AQP4: variants seen among roughly 807,000 people sequenced by gnomAD.
AQP4 encodes the protein aquaporin-4.
In AQP4, 18 loss-of-function variants were observed where a neutral mutation model predicts 27.8. The observed-to-expected ratio is 0.65, with a 90% CI of 0.45 to 0.96. AQP4 has a LOEUF of 0.96. AQP4 is among the 40% of genes least tolerant of loss of function. The pLI, the probability that AQP4 is intolerant of heterozygous loss-of-function variation, is 0.00. For missense variants in AQP4, 412 were observed against 408.2 expected (o/e 1.01, Z -0.08); for synonymous variants, 141 against 142.9 (o/e 0.99, Z 0.10).
intron 4 of AQP4, 79 bp from the exon 5 acceptor site, chr18:26,856,568 G>T: frequency 6.6e-7 from 1 of 1,521,890 alleles, no homozygotes. Context: ...GTAGAATCTA[G>T]CTGGGTTAAA....
At position 26,862,306 on chromosome 18, in the gene AQP4, C is replaced by T; in HGVS notation, c.323G>A (p.Arg108Lys). The T allele has an allele frequency of 6.2e-7, 1 of 1,614,220 alleles. No individual in the cohort carries two copies. The highest frequency in any genetic ancestry group is 8.5e-7 in the Non-Finnish European group (1 of 1,180,044). ...GACAGACTTGGCGATGCTGATCTTC[C>T]TGGTGCACACCATGGCCACAGTCAC... Reference protein sequence around the residue: ...PAVTVAMVCTRKISIAKSVFY... With the variant: ...PAVTVAMVCTKKISIAKSVFY... Residue 108 changes from arginine to lysine, a missense_variant, in exon 2 of 5, where the codon AGG becomes AAG. Arg to Lys is a conservative substitution (Grantham distance 26). Coordinates refer to ENST00000383168, the MANE Select transcript of AQP4 (RefSeq NM_001650.7).
rs141721622 is a variant in AQP4 at position 26,856,283 on chromosome 18, A to G, written c.900T>C (p.His300=). ...CCTCTCCCCGGTCAACGTCAATCAC[A>G]TGCACCACTCCAGGTTTTAGAATCA... ...DDLILKPGVV[H]VIDVDRGEEK... The change falls in exon 5 of 5, where the codon CAT becomes CAC. Residue 300 remains histidine, a synonymous_variant. Coordinates refer to ENST00000383168, the MANE Select transcript of AQP4 (RefSeq NM_001650.7). 6.2e-7 allele frequency: 1 copy of G among 1,614,142 alleles called. No individual in the cohort carries two copies. The highest frequency in any genetic ancestry group is 8.5e-7 in the Non-Finnish European group (1 of 1,180,016).
In AQP4 at chr18:26,856,438, C is replaced by T. The variant is rs1568065258; in HGVS notation, c.745G>A (p.Glu249Lys). The T allele has an allele frequency of 6.2e-7, 1 of 1,614,198 alleles. No homozygotes were observed. Among genetic ancestry groups the T allele is most frequent in the Admixed American group, 1.7e-5 (1 of 60,022 alleles). ...TCAACATCTGGACAGAAGACATACT[C>T]ATAAAGGCCACCAGCGAGGACAGCT... ...IGAVLAGGLY[E>K]YVFCPDVEFK... The change falls in exon 5 of 5, where the codon GAG (glutamate) becomes AAG (lysine). Residue 249 changes from glutamate to lysine, a missense_variant. By Grantham distance (56) the Glu-to-Lys change is moderately conservative. Coordinates refer to ENST00000383168, the MANE Select transcript of AQP4 (RefSeq NM_001650.7).
At position 26,858,561 on chromosome 18, in the gene AQP4, C is replaced by T. The variant is rs140149086; in HGVS notation, c.694-2072G>A. ...GTTCCTCTCTTGAACATGAAAAAAC[C>T]CATATGAGCCTTTATCTTCTCTATG... On this transcript the variant is annotated intron_variant, in intron 4 of 4. Coordinates refer to ENST00000383168, the MANE Select transcript of AQP4 (RefSeq NM_001650.7). Among the ~76,000 whole-genome samples the T allele has an allele frequency of 2.9e-3, 435 of 152,238 alleles. 1 individual carries two copies. The highest frequency in any genetic ancestry group is 1.0e-2 in the African/African-American group (414 of 41,542).
At chr18:26,863,070 CCCCA>C (rs1329520818) in intron 1 of AQP4, 1 of 194,716 alleles carries the variant, frequency 5.1e-6, no homozygotes, top group Non-Finnish European at 1.1e-5. Context: ...CTCCCCCTCC[CCCCA>C]GACTCTGGAT....
At position 26,860,931 on chromosome 18, in the gene AQP4, C is replaced by T. The variant is rs1471392252; in HGVS notation, c.613-79G>A. On this transcript the variant is annotated intron_variant, in intron 3 of 4. Transcript: ENST00000383168. ...AGTATCATTCATTGCAATTTGCTGT[C>T]ATTTGTCACTTAGAGGAACCTCAAG... 3 of 1,474,064 alleles carry T rather than the reference C, an allele frequency of 2.0e-6. No homozygotes were observed. The East Asian group carries it at 6.8e-5, about 33-fold the overall frequency. The allele number at this position is 1,474,064 out of a possible 1,614,324, so 91.3% of individuals were successfully genotyped here. A position where few individuals can be genotyped will look rare whatever the true frequency, so the allele number is the denominator to read the frequency against.
rs200473850 is a variant in AQP4, at chr18:26,863,000, G to GA, written c.33-405_33-404insT. 38 of 179,764 alleles carry GA rather than the reference G, an allele frequency of 2.1e-4. 2 individuals are homozygous for GA. In the East Asian group the frequency reaches 3.5e-3, roughly 17 times the overall value. The allele number at this position is 179,764 out of a possible 1,614,324, so 11.1% of individuals were successfully genotyped here. ...AGCATTAAAACAAGGTGTGCGTGGG[G>GA]GGGGGGGGTCGTCTTTTCTAGCTTT... On this transcript the variant is annotated intron_variant, in intron 1 of 4. Transcript: ENST00000383168.
chr18:26,865,691 C>T lies in AQP4; in HGVS notation c.-2G>A. 1.2e-6 allele frequency: 2 copies of T among 1,614,218 alleles called. No individual in the cohort carries two copies. The highest frequency in any genetic ancestry group is 1.7e-6 in the Non-Finnish European group (2 of 1,180,036). ...CCTTGCTGTGGGTCTGTCACTCATG[C>T]CTTCCCCAGCCAGAGTGCAGCTCTC... On this transcript the variant is annotated 5_prime_UTR_variant, in exon 1 of 5. Transcript: ENST00000383168.
At position 26,853,448 on chromosome 18, in the gene AQP4, A is replaced by T. The variant is rs2054786794; in HGVS notation, c.*2763T>A. ...ACTCTTTCCCTTTTGTACACTTTTGACAAACTATGTGCGTTTTCAGTGTAG... is the reference window on the plus strand; with the variant it reads ...ACTCTTTCCCTTTTGTACACTTTTGTCAAACTATGTGCGTTTTCAGTGTAG... On this transcript the variant is annotated 3_prime_UTR_variant, in exon 5 of 5. Transcript: ENST00000383168. The T allele has an allele frequency of 6.6e-6, 1 of 152,246 alleles. No individual in the cohort carries two copies. The highest frequency in any genetic ancestry group is 1.5e-5 in the Non-Finnish European group (1 of 68,048). 9.4% of individuals were successfully genotyped at this position (152,246 alleles called of 1,614,324 possible).
chr18:26,860,607 T>C, intron 4 of AQP4, 165 bp downstream of exon 4: 1 of 685,546 alleles, frequency 1.5e-6, no homozygotes, highest in Non-Finnish European at 2.6e-6. Context: ...TTACAGCAGA[T>C]CTGTGCTATT....
At chr18:26,861,365 T>C in intron 2 of AQP4, 70 bp from the exon 3 acceptor site, 1 of 1,450,392 alleles carries the variant, frequency 6.9e-7, no homozygotes, top group Non-Finnish European at 9.6e-7. Flanking sequence ...TTAATATCAT[T>C]GTGAAAGGCA....
At position 26,855,313 on chromosome 18, in the gene AQP4, T is replaced by A. The variant is rs1426252088; in HGVS notation, c.*898A>T. 3.9e-5 allele frequency: 6 copies of A among 152,216 alleles called. No individual in the cohort carries two copies. The East Asian group carries it at 5.8e-4, about 15-fold the overall frequency. The allele number at this position is 152,216 out of a possible 1,614,324, so 9.4% of individuals were successfully genotyped here. On this transcript the variant is annotated 3_prime_UTR_variant, in exon 5 of 5. Coordinates refer to ENST00000383168, the MANE Select transcript of AQP4 (RefSeq NM_001650.7). Reference sequence around the variant, plus strand: ...TCCCCAGTTTTGCCAATAAATTTTTTAAAAATAAGCAAAGTGGTAAAGGGG... The same window carrying A: ...TCCCCAGTTTTGCCAATAAATTTTTAAAAAATAAGCAAAGTGGTAAAGGGG...
chr18:26,856,073 T>C lies in AQP4; in HGVS notation c.*138A>G. ...CCTTTGTAAATTATGAAATATTTAT[T>C]GTTTAGACTGAGTAATATGACATGA... is the stretch of plus-strand genomic sequence containing the variant. On this transcript the variant is annotated 3_prime_UTR_variant, in exon 5 of 5. Coordinates refer to ENST00000383168, the MANE Select transcript of AQP4 (RefSeq NM_001650.7). The C allele has an allele frequency of 9.7e-7, 1 of 1,027,436 alleles. No individual in the cohort carries two copies. Among genetic ancestry groups the C allele is most frequent in the Non-Finnish European group, 1.5e-6 (1 of 678,532 alleles). 63.6% of individuals were successfully genotyped at this position (1,027,436 alleles called of 1,614,324 possible).
intron 4 of AQP4, among the ~76,000 whole-genome samples, chr18:26,857,390 G>A (rs1471729272): frequency 2.0e-5 from 3 of 151,828 alleles, no homozygotes; most frequent in Non-Finnish European, 2.9e-5. Flanking sequence ...TGCAGTGGGC[G>A]ATCGCCACTC....
rs1473335693 is a variant in AQP4 at position 26,854,835 on chromosome 18, AC to A, written c.*1375del. On this transcript the variant is annotated 3_prime_UTR_variant, in exon 5 of 5. Coordinates refer to ENST00000383168, the MANE Select transcript of AQP4 (RefSeq NM_001650.7). ...ACGGCTAGACTAGACAGTTAAGATG[AC>A]AGAAACTGGGGTTTCTGGAGAACAT... The A allele has an allele frequency of 6.6e-6, 1 of 152,030 alleles. No individual in the cohort carries two copies. The highest frequency in any genetic ancestry group is 1.5e-5 in the Non-Finnish European group (1 of 68,042). The allele number at this position is 152,030 out of a possible 1,614,324, so 9.4% of individuals were successfully genotyped here.
intron 2 of AQP4, 25 bp downstream of exon 2, chr18:26,862,157 G>C (rs1299692271): frequency 6.2e-7 from 1 of 1,613,212 alleles, no homozygotes; most frequent in Non-Finnish European, 8.5e-7. Context: ...TGGAGTCCTA[G>C]TTTGAAAATA....
At chr18:26,862,727 A>C (rs916718258) in intron 1 of AQP4, 131 bp from the exon 2 acceptor site, 10 of 1,183,868 alleles carry the variant, frequency 8.4e-6, no homozygotes, top group Non-Finnish European at 1.2e-5. Flanking sequence ...ACACCAAGAA[A>C]GAATGCTTCT....
At chr18:26,864,531 C>G (rs1438490852) in intron 1 of AQP4, among the ~76,000 whole-genome samples, 1 of 152,114 alleles carries the variant, frequency 6.6e-6, no homozygotes, top group African/African-American at 2.4e-5. Flanking sequence ...TGTAAAGAGA[C>G]AAAAACGATG....
chr18:26,861,850 T>A lies in AQP4; in HGVS notation c.447+332A>T, dbSNP rs1267116794. The stretch of plus-strand genomic sequence containing the variant: ...ACATGACAAGAAAATAGTTTTTTTC[T>A]GCTAGTGAACAAATAACTGTAAGGA... On this transcript the variant is annotated intron_variant, in intron 2 of 4. Coordinates refer to ENST00000383168, the MANE Select transcript of AQP4 (RefSeq NM_001650.7). 2.0e-5 allele frequency among the ~76,000 whole-genome samples: 3 copies of A among 152,114 alleles called. No homozygotes were observed. In the South Asian group the frequency reaches 6.2e-4, roughly 32 times the overall value.
Sources: allele counts gnomAD v4.1 joint callset (sites outside exome capture counted in the v4.1 genomes callset), GRCh38; gene constraint gnomAD v4.1.1; transcripts MANE v1.5; gene names NCBI Gene and HGNC (gene_info 2026-07-23, HGNC 2026-07-21).